Variants in WDR70 observed in about 807,000 individuals in gnomAD.
WDR70 encodes the protein WD repeat domain 70, also known as WD repeat-containing protein 70.
WDR70 carries 53 observed loss-of-function variants against 88.6 expected under a neutral mutation model. That is an observed-to-expected ratio of 0.60 (90% confidence interval 0.48 to 0.75). The LOEUF (loss-of-function observed/expected upper bound fraction) is 0.75, where lower values mean the gene tolerates loss of function less well. Among genes scored for constraint, WDR70 ranks in the 30% least tolerant of loss-of-function variants. The pLI, the probability that WDR70 is intolerant of heterozygous loss-of-function variation, is 0.00. For missense variants in WDR70, 610 were observed against 823.2 expected, an observed-to-expected ratio of 0.74 and a Z score of 3.17; for synonymous variants, 280 against 270.0, an observed-to-expected ratio of 1.04 and a Z score of -0.36.
At chr5:37,474,633 G>A (rs1739423194) in intron 7 of WDR70, among the ~76,000 whole-genome samples, 1 of 152,038 alleles carries the variant, frequency 6.6e-6, no homozygotes, top group Admixed American at 6.6e-5. Context: ...ATAGGTAAAC[G>A]TGTGCCATAG....
intron 7 of WDR70, among the ~76,000 whole-genome samples, chr5:37,460,600 T>G: frequency 1.8e-5 from 1 of 55,382 alleles, no homozygotes; most frequent in African/African-American, 4.0e-5. Context: ...AGATGACACG[T>G]TAGTGGGTGC....
chr5:37,743,641 G>A (rs961881099), intron 17 of WDR70, among the ~76,000 whole-genome samples: 4 of 152,164 alleles, frequency 2.6e-5, no homozygotes, highest in South Asian at 2.1e-4. Flanking sequence ...CCAACACACC[G>A]GCTGTGGCAG....
chr5:37,641,113 C>T (rs1048015808), intron 10 of WDR70, among the ~76,000 whole-genome samples: 2 of 152,190 alleles, frequency 1.3e-5, no homozygotes, highest in Non-Finnish European at 2.9e-5. Context: ...TTATTCACAG[C>T]ATGCTTTTTT....
At chr5:37,535,087 G>T (rs1210169553) in intron 9 of WDR70, among the ~76,000 whole-genome samples, 1 of 150,922 alleles carries the variant, frequency 6.6e-6, no homozygotes, top group Non-Finnish European at 1.5e-5. Flanking sequence ...AGACAGATAA[G>T]GTACAGCTAG....
chr5:37,408,423 G>A (rs55665940), intron 5 of WDR70, among the ~76,000 whole-genome samples: 4,449 of 152,152 alleles, frequency 0.029, 91 homozygotes, highest in Middle Eastern at 0.095. Context: ...CCAGTGAGCC[G>A]ATATTGCACC....
chr5:37,643,358 C>T (rs1283056183), intron 10 of WDR70, among the ~76,000 whole-genome samples: 1 of 151,956 alleles, frequency 6.6e-6, no homozygotes, highest in East Asian at 1.9e-4. Flanking sequence ...TATTTTTATG[C>T]CAGTACCTTG....
At chr5:37,390,486 C>T (rs1748777956) in intron 3 of WDR70, among the ~76,000 whole-genome samples, 1 of 151,292 alleles carries the variant, frequency 6.6e-6, no homozygotes, top group African/African-American at 2.4e-5. Flanking sequence ...ACTACAGGCG[C>T]CGGCCACTAC....
intron 17 of WDR70, among the ~76,000 whole-genome samples, chr5:37,731,616 A>G: frequency 6.6e-6 from 1 of 152,064 alleles, no homozygotes; most frequent in Middle Eastern, 3.2e-3. Context: ...TACTTCAGAA[A>G]CCTTGTTTAG....
chr5:37,503,395 A>G (rs1262671603), intron 8 of WDR70, among the ~76,000 whole-genome samples: 1 of 151,948 alleles, frequency 6.6e-6, no homozygotes, highest in Non-Finnish European at 1.5e-5. Flanking sequence ...CACTAGTTGT[A>G]TTTACTGCTT....
chr5:37,497,489 CCTTCCCTCTTCCCGTCT>C, intron 8 of WDR70, among the ~76,000 whole-genome samples: 1 of 140,384 alleles, frequency 7.1e-6, no homozygotes, highest in African/African-American at 2.6e-5. Flanking sequence ...TCTTCCCTTC[CCTTCCCTCTTCCCGTCT>C]CTTCCCTCTT....
At chr5:37,662,735 T>C (rs972154714) in intron 10 of WDR70, among the ~76,000 whole-genome samples, 1 of 152,166 alleles carries the variant, frequency 6.6e-6, no homozygotes, top group Non-Finnish European at 1.5e-5. Flanking sequence ...CTTACTCAAA[T>C]TAAAAATAAA....
intron 5 of WDR70, among the ~76,000 whole-genome samples, chr5:37,419,361 G>A (rs1223124745): frequency 4.6e-5 from 7 of 150,614 alleles, no homozygotes; most frequent in Non-Finnish European, 7.4e-5. Flanking sequence ...GCCTGCCACC[G>A]TGCCCGGCTA....
At chr5:37,506,164 G>A (rs1455065638) in intron 8 of WDR70, 22 of 1,049,572 alleles carry the variant, frequency 2.1e-5, no homozygotes, top group Non-Finnish European at 3.2e-5. Flanking sequence ...AGGTCCTAAC[G>A]AGAAACATCA....
chr5:37,394,637 TAGA>T (rs1290952264), intron 4 of WDR70, among the ~76,000 whole-genome samples: 1 of 152,164 alleles, frequency 6.6e-6, no homozygotes, highest in Non-Finnish European at 1.5e-5. Context: ...CCTGAAAGTT[TAGA>T]AGGAGTGTGC....
chr5:37,436,609 A>G (rs901924696), intron 5 of WDR70, among the ~76,000 whole-genome samples: 1 of 152,052 alleles, frequency 6.6e-6, no homozygotes, highest in Non-Finnish European at 1.5e-5. Context: ...ATGTGCCAAG[A>G]ACTGTGCTAA....
chr5:37,507,828 TG>T (rs544385221), intron 8 of WDR70, among the ~76,000 whole-genome samples: 15 of 152,338 alleles, frequency 9.8e-5, no homozygotes, highest in African/African-American at 3.1e-4. Context: ...TAACTGTCAT[TG>T]GTAGTGCATA....
intron 11 of WDR70, 115 bp from the exon 12 acceptor site, chr5:37,700,943 C>T: frequency 3.2e-6 from 2 of 617,068 alleles, no homozygotes; most frequent in Non-Finnish European, 2.9e-6. Flanking sequence ...CTCCCCTTCC[C>T]CTTCCCTTTC....
At position 37,561,871 on chromosome 5, in the gene WDR70, A is replaced by T. The variant is rs572274579; in HGVS notation, c.918-43193A>T. Among the ~76,000 whole-genome samples the T allele has an allele frequency of 7.2e-5, 11 of 152,266 alleles. No individual in the cohort carries two copies. In the East Asian group the frequency reaches 1.9e-3, roughly 27 times the overall value. ...TTATGTAAATATTGTTTCATGTGTT[A>T]TTGTGGAAAAGGAAGAAAGAACTTG... On this transcript the variant is annotated intron_variant, in intron 9 of 17. Coordinates refer to ENST00000265107, the MANE Select transcript of WDR70 (RefSeq NM_018034.4).
At chr5:37,483,763 C>T (rs879423322) in intron 8 of WDR70, among the ~76,000 whole-genome samples, 12 of 149,858 alleles carry the variant, frequency 8.0e-5, no homozygotes, top group Admixed American at 1.3e-4. Flanking sequence ...GGCGGCTGGC[C>T]GGGCGGGGGC....
Sources: gnomAD v4.1 joint callset for allele counts (sites outside exome capture counted in the v4.1 genomes callset) on GRCh38, gnomAD v4.1.1 for gene constraint, MANE v1.5 for transcripts, NCBI Gene and HGNC (gene_info 2026-07-23, HGNC 2026-07-21) for gene names.